Variants in CATSPER2 observed in about 807,000 individuals in gnomAD.
The protein encoded by CATSPER2 is cation channel sperm associated 2, also known as cation channel sperm-associated protein 2.
A neutral mutation model predicts 68.8 loss-of-function variants in CATSPER2; 56 were observed. The observed-to-expected ratio is 0.81, with a 90% confidence interval of 0.66 to 1.02. CATSPER2 has a LOEUF of 1.02. CATSPER2 is among the 50% of genes least tolerant of loss of function. The pLI is 0.00. For synonymous variants in CATSPER2, 198 were observed against 229.9 expected, an observed-to-expected ratio of 0.86 and a Z score of 1.26; for missense variants, 582 against 642.0, an observed-to-expected ratio of 0.91 and a Z score of 1.01.
chr15:43,647,763 C>G (rs1463850149), intron 2 of CATSPER2, among the ~76,000 whole-genome samples, 154 bp downstream of exon 2: 1 of 151,986 alleles, frequency 6.6e-6, no homozygotes, highest in Non-Finnish European at 1.5e-5. Flanking sequence ...AAGTGAAAGA[C>G]GTGGATTCTA....
At chr15:43,646,188 C>G (rs2086159869) in intron 4 of CATSPER2, among the ~76,000 whole-genome samples, 1 of 151,446 alleles carries the variant, frequency 6.6e-6, no homozygotes, top group African/African-American at 2.4e-5. Flanking sequence ...TTCCCAAGTT[C>G]AGTTCCTTGT....
chr15:43,643,902 G>C (rs1422741327), intron 4 of CATSPER2, among the ~76,000 whole-genome samples: 1 of 151,862 alleles, frequency 6.6e-6, no homozygotes, highest in Admixed American at 6.6e-5. Flanking sequence ...AGGCTGCAGT[G>C]CACTGGTGAG....
At chr15:43,640,563 C>T (rs2086055102) in intron 4 of CATSPER2, 67 bp from the exon 5 acceptor site, 2 of 1,607,306 alleles carry the variant, frequency 1.2e-6, no homozygotes, top group African/African-American at 2.7e-5. Context: ...GGAGAATGAA[C>T]ACACTTATAA....
chr15:43,641,931 A>C (rs987896780), intron 4 of CATSPER2, among the ~76,000 whole-genome samples: 7 of 151,654 alleles, frequency 4.6e-5, no homozygotes, highest in African/African-American at 7.3e-5. Context: ...CTGCTGGGCT[A>C]AAGCGATCCG....
chr15:43,635,410 T>C lies in CATSPER2; in HGVS notation c.1128A>G (p.Lys376=), dbSNP rs1398875300. The C allele has an allele frequency of 6.2e-7, 1 of 1,609,452 alleles. No individual in the cohort carries two copies. Among genetic ancestry groups the C allele is most frequent in the Non-Finnish European group, 8.5e-7 (1 of 1,179,356 alleles). Residue 376 remains lysine (K), a synonymous_variant, in exon 10 of 13, where the codon AAA becomes AAG. Coordinates refer to ENST00000396879, the MANE Select transcript of CATSPER2 (RefSeq NM_172095.4). Reference sequence around the variant, plus strand: ...ACGTCAGTGCTTCATGTGACATGTTTTTTCTCCTGCAGAGCAAAAAAAAAA... The same window carrying C: ...ACGTCAGTGCTTCATGTGACATGTTCTTTCTCCTGCAGAGCAAAAAAAAAA... ...MFKRQIIQRR[K]NMSHEALTSS... is the part of the protein sequence containing the mutation.
At position 43,628,845 on chromosome 15, in the gene CATSPER2, C is replaced by G. The variant is rs980502568; in HGVS notation, c.*1856G>C. ...GGTTGACTTACCTGCAGTTAATGCC[C>G]AAATTTTAAGTGTACATTTTGTTGA... On this transcript the variant is annotated 3_prime_UTR_variant, in exon 13 of 13. Transcript: ENST00000396879. 2 of 145,426 alleles carry G rather than the reference C, an allele frequency of 1.4e-5. No homozygotes were observed. Among genetic ancestry groups the G allele is most frequent in the Non-Finnish European group, 3.0e-5 (2 of 67,176 alleles). 9.0% of individuals were successfully genotyped at this position (145,426 alleles called of 1,614,324 possible). A position where few individuals can be genotyped will look rare whatever the true frequency, so the allele number is the denominator to read the frequency against.
Position 43,635,785 on chromosome 15 carries a change from TCTC to T in CATSPER2, c.1060_1062del (p.Glu354del). 6.2e-7 allele frequency: 1 copy of T among 1,613,524 alleles called. No homozygotes were observed. Among genetic ancestry groups the T allele is most frequent in the South Asian group, 1.1e-5 (1 of 91,030 alleles). ...TTGAGCTGAACCTCCCGACGCGCCATCTCCTCATTCAGCTCTTTCCTGATATTC... is the reference window on the plus strand; with the variant it reads ...TTGAGCTGAACCTCCCGACGCGCCATCTCATTCAGCTCTTTCCTGATATTC... On this transcript the variant is annotated inframe_deletion, in exon 9 of 13. Coordinates refer to ENST00000396879, the MANE Select transcript of CATSPER2 (RefSeq NM_172095.4).
chr15:43,630,726 G>T lies in CATSPER2; in HGVS notation c.1568C>A (p.Ala523Glu). The change falls in exon 13 of 13, where the codon GCA becomes GAA. Residue 523 changes from alanine (A) to glutamate (E), a missense_variant. By Grantham distance (107) the Ala-to-Glu change is moderately radical. Transcript: ENST00000396879. Reference protein sequence around the residue: ...RKKLQEFAVQALMNLEDK With the variant: ...RKKLQEFAVQELMNLEDK ...TTACTTGTCTTCCAAGTTCATCAGT[G>T]CCTGCACTGCAAAGGAAACAGATTG... The T allele has an allele frequency of 6.2e-7, 1 of 1,612,206 alleles. No individual in the cohort carries two copies. Among genetic ancestry groups the T allele is most frequent in the South Asian group, 1.1e-5 (1 of 90,970 alleles).
chr15:43,637,624 AAT>A (rs2085986865), intron 7 of CATSPER2: 7 of 152,030 alleles, frequency 4.6e-5, no homozygotes, highest in African/African-American at 1.7e-4. Flanking sequence ...TTAGTGGTTT[AAT>A]ATTTAAAAAA....
At chr15:43,646,850 G>C (rs1273004982) in intron 4 of CATSPER2, among the ~76,000 whole-genome samples, 200 bp downstream of exon 4, 2 of 151,578 alleles carry the variant, frequency 1.3e-5, no homozygotes, top group African/African-American at 4.9e-5. Context: ...AAGTAGCTGG[G>C]ACTACAAGCG....
In CATSPER2 at chr15:43,638,786, G is replaced by A. The variant is rs142276830; in HGVS notation, c.842+118C>T. The A allele has an allele frequency of 4.6e-4, 554 of 1,210,432 alleles. 9 individuals carry two copies. The East Asian group carries it at 0.013, about 29-fold the overall frequency. The allele number at this position is 1,210,432 out of a possible 1,614,324, so 75.0% of individuals were successfully genotyped here. ...CTTTCTCTTTCCCTCTCCCTATTGT[G>A]TTCTATTTCAGTTTCTTGGAATAGA... is the stretch of plus-strand genomic sequence containing the variant. On this transcript the variant is annotated intron_variant, in intron 7 of 12. Coordinates refer to ENST00000396879, the MANE Select transcript of CATSPER2 (RefSeq NM_172095.4).
Position 43,647,065 on chromosome 15 carries a change from A to G in CATSPER2, c.373T>C (p.Leu125=), listed in dbSNP as rs777702344. The G allele has an allele frequency of 2.5e-5, 41 of 1,612,040 alleles. 1 individual carries two copies. The highest frequency in any genetic ancestry group is 4.0e-5 in the African/African-American group (3 of 74,796). ...CAGTTCTCACCTATTTCAACCATCA[A>G]TATGATCGTATTCAAAAAGACCAGG... ...IFLVFLNTII[L]MVEIELLEST... Residue 125 remains leucine (L), a synonymous_variant, in exon 4 of 13, where the codon TTG becomes CTG. Coordinates refer to ENST00000396879, the MANE Select transcript of CATSPER2 (RefSeq NM_172095.4).
At chr15:43,646,718 CTTTTT>C (rs56230106) in intron 4 of CATSPER2, among the ~76,000 whole-genome samples, 1 of 138,644 alleles carries the variant, frequency 7.2e-6, no homozygotes, top group Non-Finnish European at 1.6e-5. Flanking sequence ...TTTTCTTTTT[CTTTTT>C]TTTTTTTTTG....
At chr15:43,641,392 C>T (rs1318224142) in intron 4 of CATSPER2, among the ~76,000 whole-genome samples, 4 of 151,850 alleles carry the variant, frequency 2.6e-5, no homozygotes, top group East Asian at 1.9e-4. Context: ...GGATTATAGG[C>T]GTGAGCCACC....
chr15:43,647,098 T>TG lies in CATSPER2; in HGVS notation c.339dup (p.Ile114HisfsTer15). ...GTATTCAAAAAGACCAGGAAGATGA[T>TG]GAAGTTTTTGAAGAGAGGACCTGTT... is the stretch of plus-strand genomic sequence containing the variant. On this transcript the variant is annotated frameshift_variant, in exon 4 of 13. Coordinates refer to ENST00000396879, the MANE Select transcript of CATSPER2 (RefSeq NM_172095.4). LOFTEE classifies it high-confidence loss of function. The TG allele has an allele frequency of 6.2e-7, 1 of 1,612,816 alleles. No homozygotes were observed. Among genetic ancestry groups the TG allele is most frequent in the East Asian group, 2.2e-5 (1 of 44,858 alleles).
intron 2 of CATSPER2, 59 bp from the exon 3 acceptor site, chr15:43,647,526 G>A (rs2086193032): frequency 1.0e-5 from 16 of 1,527,742 alleles, no homozygotes; most frequent in African/African-American, 1.4e-5. Flanking sequence ...ACCAGGTAGG[G>A]TTGGGGGCAG....
chr15:43,632,537 G>A (rs2085893311), intron 11 of CATSPER2, 174 bp from the exon 12 acceptor site: 1 of 1,436,344 alleles, frequency 7.0e-7, no homozygotes, highest in Admixed American at 1.8e-5. Flanking sequence ...GAGGGCCACA[G>A]CCACACTTAC....
At position 43,648,673 on chromosome 15, in the gene CATSPER2, T is replaced by G; in HGVS notation, c.-47A>C. On this transcript the variant is annotated 5_prime_UTR_variant, in exon 1 of 13. Transcript: ENST00000396879. ...GCCCACTCAGTCCTTATTTCACGCTTCCGCCTCCAGCTCAGGTGCCCCGAG... is the reference window on the plus strand; with the variant it reads ...GCCCACTCAGTCCTTATTTCACGCTGCCGCCTCCAGCTCAGGTGCCCCGAG... The G allele has an allele frequency of 2.8e-6, 4 of 1,425,800 alleles. No homozygotes were observed. Among genetic ancestry groups the G allele is most frequent in the Non-Finnish European group, 3.7e-6 (4 of 1,093,448 alleles). 88.3% of individuals were successfully genotyped at this position (1,425,800 alleles called of 1,614,324 possible).
intron 12 of CATSPER2, 137 bp from the exon 13 acceptor site, chr15:43,630,869 C>A: frequency 6.4e-7 from 1 of 1,557,012 alleles, no homozygotes; most frequent in Middle Eastern, 1.7e-4. Flanking sequence ...CCATATGATT[C>A]TGTGTACTCT....
Sources: allele counts gnomAD v4.1 joint callset (sites outside exome capture counted in the v4.1 genomes callset), GRCh38; gene constraint gnomAD v4.1.1; transcripts MANE v1.5; gene names NCBI Gene and HGNC (gene_info 2026-07-23, HGNC 2026-07-21).